AATK: variants seen among roughly 807,000 people sequenced by gnomAD.
AATK encodes the protein lemur tail kinase 1.
AATK carries 91 observed loss-of-function variants against 114.3 expected under a neutral mutation model. That is an observed-to-expected ratio of 0.80 (90% CI 0.67 to 0.95). The LOEUF (loss-of-function observed/expected upper bound fraction) is 0.95, where lower values mean the gene tolerates loss of function less well. AATK is among the 40% of genes least tolerant of loss of function. The pLI, the probability that AATK is intolerant of heterozygous loss-of-function variation, is 0.00. For missense variants in AATK, 2,176 were observed against 1,965.2 expected (o/e 1.11, Z -2.03); for synonymous variants, 1,075 against 916.5 (o/e 1.17, Z -3.12).
chr17:81,152,954 C>T (rs528344958), intron 1 of AATK, among the ~76,000 whole-genome samples: 62 of 151,732 alleles, frequency 4.1e-4, no homozygotes, highest in African/African-American at 1.4e-3. Flanking sequence ...ATGATTCTCT[C>T]GCCTCAGTCT....
Position 81,136,699 on chromosome 17 carries a change from G to C in AATK, c.56-2198C>G, listed in dbSNP as rs559760888. ...ACGTGCTGACTCAGTGGAGGGCAGA[G>C]GTGGGCAGGGGCACCAGGCAGGCCT... is the stretch of plus-strand genomic sequence containing the variant. On this transcript the variant is annotated intron_variant, in intron 1 of 13. Coordinates refer to ENST00000326724, the MANE Select transcript of AATK (RefSeq NM_001080395.3). Among the ~76,000 whole-genome samples, 270 of 152,368 alleles carry C rather than the reference G, an allele frequency of 1.8e-3. 3 individuals carry two copies. The highest frequency in any genetic ancestry group is 6.1e-3 in the African/African-American group (255 of 41,588).
intron 9 of AATK, among the ~76,000 whole-genome samples, chr17:81,124,143 C>T (rs1010902741): frequency 8.0e-5 from 12 of 150,684 alleles, no homozygotes; most frequent in East Asian, 2.0e-4. Flanking sequence ...AAGCAGAAGG[C>T]GGCCAGACCA....
intron 1 of AATK, chr17:81,165,645 AC>A: frequency 6.8e-7 from 1 of 1,480,082 alleles, no homozygotes; most frequent in Non-Finnish European, 9.0e-7. Context: ...TCTCCTGGAC[AC>A]CAGGGGCCCA....
At chr17:81,128,346 C>G in intron 4 of AATK, 124 bp downstream of exon 4, 1 of 1,229,614 alleles carries the variant, frequency 8.1e-7, no homozygotes, top group African/African-American at 1.5e-5. Context: ...AAGGGTCCAG[C>G]AGGGCCCAGA....
chr17:81,136,203 CCTCCTGGCCCCT>C (rs1324397048), intron 1 of AATK: 6 of 152,516 alleles, frequency 3.9e-5, no homozygotes, highest in African/African-American at 1.4e-4. Flanking sequence ...TCGCCCATGC[CCTCCTGGCCCCT>C]CTCCTGGCGG....
chr17:81,123,125 G>T, intron 10 of AATK, 69 bp downstream of exon 10: 1 of 1,367,754 alleles, frequency 7.3e-7, no homozygotes, highest in Non-Finnish European at 9.4e-7. Context: ...AGGGTGAGCC[G>T]CCTCTGCCTG....
chr17:81,140,434 G>A (rs368159702), intron 1 of AATK, among the ~76,000 whole-genome samples: 3 of 152,332 alleles, frequency 2.0e-5, no homozygotes, highest in South Asian at 2.1e-4. Context: ...GCAGAACAAC[G>A]GCTCCCAGAG....
chr17:81,159,797 G>A (rs774733853), intron 1 of AATK, among the ~76,000 whole-genome samples: 6 of 152,070 alleles, frequency 3.9e-5, no homozygotes, highest in Admixed American at 2.0e-4. Context: ...GAGGTGACTC[G>A]GCAGAGCCCT....
At chr17:81,158,060 G>C (rs897886889) in intron 1 of AATK, among the ~76,000 whole-genome samples, 1 of 152,230 alleles carries the variant, frequency 6.6e-6, no homozygotes, top group Non-Finnish European at 1.5e-5. Flanking sequence ...AGGAGGAAAC[G>C]GGCAGGTCCA....
rs963174896 is a variant in AATK at position 81,120,375 on chromosome 17, G to T, written c.3561C>A (p.Ser1187Arg). The change falls in exon 11 of 14, where the codon AGC (serine) becomes AGA (arginine). Residue 1187 changes from serine (S) to arginine (R), a missense_variant. Physicochemically the swap from Ser to Arg is moderately radical, Grantham distance 110. Transcript: ENST00000326724. Reference sequence around the variant, plus strand: ...CGGGCACCGCCGGCGCCTCCTCTTCGCTGTCCTCGCTAGGCTCCTGGACGC... The same window carrying T: ...CGGGCACCGCCGGCGCCTCCTCTTCTCTGTCCTCGCTAGGCTCCTGGACGC... ...CYSVQEPSED[S>R]EEEAPAVPVV... The T allele has an allele frequency of 6.2e-7, 1 of 1,608,172 alleles. No individual in the cohort carries two copies. The highest frequency in any genetic ancestry group is 1.1e-5 in the South Asian group (1 of 90,752).
chr17:81,141,773 A>T (rs1160153734), intron 1 of AATK, among the ~76,000 whole-genome samples: 1 of 152,246 alleles, frequency 6.6e-6, no homozygotes, highest in Non-Finnish European at 1.5e-5. Context: ...GTGAGGGTAC[A>T]TCTGCTGTGC....
At chr17:81,133,262 CA>C in intron 2 of AATK, 3 of 479,454 alleles carry the variant, frequency 6.3e-6, no homozygotes, top group South Asian at 1.5e-5. Flanking sequence ...TTAGAAAAGG[CA>C]AAAAGGCCAC....
Position 81,126,255 on chromosome 17 carries a change from A to C in AATK, c.755+172T>G, listed in dbSNP as rs1598918079. Reference sequence around the variant, plus strand: ...GTGGGTGTCAAACCATTGTCTTCCCAATTTTTCAAAAACGTCATAAAATCC... The same window carrying C: ...GTGGGTGTCAAACCATTGTCTTCCCCATTTTTCAAAAACGTCATAAAATCC... On this transcript the variant is annotated intron_variant, in intron 7 of 13. Coordinates refer to ENST00000326724, the MANE Select transcript of AATK (RefSeq NM_001080395.3). This position sits in a 1 kb window ranked among gnomAD's most constrained non-coding sequence, Gnocchi z 5.1. 6.6e-6 allele frequency among the ~76,000 whole-genome samples: 1 copy of C among 152,164 alleles called. No homozygotes were observed. Among genetic ancestry groups the C allele is most frequent in the African/African-American group, 2.4e-5 (1 of 41,434 alleles).
intron 2 of AATK, 59 bp from the exon 3 acceptor site, chr17:81,131,264 G>A (rs1314498547): frequency 7.4e-6 from 11 of 1,491,938 alleles, no homozygotes; most frequent in Non-Finnish European, 9.8e-6. Flanking sequence ...GGTGTGGCTG[G>A]GCCTGGAAAG....
chr17:81,130,749 C>A (rs2060917964), intron 3 of AATK, among the ~76,000 whole-genome samples: 1 of 152,152 alleles, frequency 6.6e-6, no homozygotes, highest in Non-Finnish European at 1.5e-5. Context: ...CCCGTGCCCA[C>A]CCCTGTCCCT....
chr17:81,165,683 T>G (rs1034163059), intron 1 of AATK: 5 of 1,511,628 alleles, frequency 3.3e-6, no homozygotes, highest in Non-Finnish European at 4.4e-6. Flanking sequence ...CCCAGTTACC[T>G]GTGCCCTGGA....
Position 81,122,444 on chromosome 17 carries a change from G to GA in AATK, c.1491_1492insT (p.Arg498SerfsTer49). ...CACAGCTCCTGCAGGCGTGCGGTGC[G>GA]GCCAGGGCTCAGCGTGGCCGGGAAG... is the stretch of plus-strand genomic sequence containing the variant. On this transcript the variant is annotated frameshift_variant, in exon 11 of 14. Transcript: ENST00000326724. LOFTEE classifies it high-confidence loss of function. The GA allele has an allele frequency of 6.9e-7, 1 of 1,456,648 alleles. No homozygotes were observed. Among genetic ancestry groups the GA allele is most frequent in the South Asian group, 1.3e-5 (1 of 78,290 alleles). The allele number at this position is 1,456,648 out of a possible 1,614,324, so 90.2% of individuals were successfully genotyped here.
In AATK at chr17:81,120,834, A is replaced by G; in HGVS notation, c.3102T>C (p.Ser1034=). The change falls in exon 11 of 14, where the codon TCT becomes TCC. Residue 1034 remains serine, a synonymous_variant. Transcript: ENST00000326724. ...ELGLPSTGQP[S]EQVCLRPGVS... ...CCCCAGGCCTGAGACAGACCTGCTC[A>G]GACGGCTGCCCAGTGCTCGGCAGGC... 1 of 1,578,748 alleles carries G rather than the reference A, an allele frequency of 6.3e-7. No individual in the cohort carries two copies. The highest frequency in any genetic ancestry group is 8.6e-7 in the Non-Finnish European group (1 of 1,162,714).
intron 1 of AATK, among the ~76,000 whole-genome samples, chr17:81,152,022 C>T (rs1286980466): frequency 6.6e-6 from 1 of 152,238 alleles, no homozygotes; most frequent in Non-Finnish European, 1.5e-5. Context: ...CGCCTGTCAT[C>T]CCAGCACTTT....
Sources: gnomAD v4.1 joint callset for allele counts (sites outside exome capture counted in the v4.1 genomes callset) on GRCh38, gnomAD v4.1.1 for gene constraint, Gnocchi (gnomAD v3.1) non-coding constraint, MANE v1.5 for transcripts, NCBI Gene and HGNC (gene_info 2026-07-23, HGNC 2026-07-21) for gene names.